The following NEO1 variants were observed in gnomAD, a reference collection of about 807,000 sequenced individuals.
The protein encoded by NEO1 is neogenin 1, also known as neogenin.
NEO1 carries 63 observed loss-of-function variants against 159.7 expected under a neutral mutation model. That is an observed-to-expected ratio of 0.39 (90% CI 0.32 to 0.49). The LOEUF (loss-of-function observed/expected upper bound fraction) is 0.49. NEO1 is among the 20% of genes least tolerant of loss of function. NEO1 has a pLI of 0.85. For synonymous variants in NEO1, 633 were observed against 662.0 expected, an observed-to-expected ratio of 0.96 and a Z score of 0.67; for missense variants, 1,615 against 1,831.0, an observed-to-expected ratio of 0.88 and a Z score of 2.15.
At chr15:73,228,465 GT>G (rs377106378) in intron 7 of NEO1, among the ~76,000 whole-genome samples, 54 of 135,028 alleles carry the variant, frequency 4.0e-4, no homozygotes, top group East Asian at 6.4e-4. Flanking sequence ...TTGGGTATAA[GT>G]TTTTTTTTTT....
chr15:73,093,732 C>A (rs1417354971), intron 1 of NEO1, among the ~76,000 whole-genome samples: 2 of 152,106 alleles, frequency 1.3e-5, no homozygotes, highest in Non-Finnish European at 2.9e-5. Context: ...CACTACCAAC[C>A]ACGCCTGGCT....
At chr15:73,188,154 T>C (rs2036040257) in intron 7 of NEO1, among the ~76,000 whole-genome samples, 1 of 152,108 alleles carries the variant, frequency 6.6e-6, no homozygotes. Flanking sequence ...ATCAATGTTA[T>C]ATCTGGTGGC....
chr15:73,233,050 G>A (rs1197459767), intron 7 of NEO1, among the ~76,000 whole-genome samples: 3 of 152,128 alleles, frequency 2.0e-5, no homozygotes, highest in African/African-American at 7.2e-5. Context: ...AAGAGGATTT[G>A]TCAGTCTCAA....
chr15:73,204,491 G>A (rs1796356137), intron 7 of NEO1, among the ~76,000 whole-genome samples: 1 of 151,176 alleles, frequency 6.6e-6, no homozygotes, highest in Non-Finnish European at 1.5e-5. Context: ...TTTTCTCTTT[G>A]CATTTTAGTG....
At chr15:73,136,258 A>G (rs1431518046) in intron 5 of NEO1, among the ~76,000 whole-genome samples, 1 of 152,206 alleles carries the variant, frequency 6.6e-6, no homozygotes, top group African/African-American at 2.4e-5. Flanking sequence ...AAATGGAAAT[A>G]ATAAGAATAT....
At chr15:73,066,816 C>A (rs533800494) in intron 1 of NEO1, among the ~76,000 whole-genome samples, 2 of 152,306 alleles carry the variant, frequency 1.3e-5, no homozygotes, top group South Asian at 4.1e-4. Context: ...CTCATCTCAG[C>A]CTCTTCAGCA....
chr15:73,058,553 C>T, intron 1 of NEO1, among the ~76,000 whole-genome samples: 1 of 152,098 alleles, frequency 6.6e-6, no homozygotes, highest in East Asian at 1.9e-4. Flanking sequence ...TGGATTCCCC[C>T]ATATAGGATT....
chr15:73,286,187 T>C (rs11072411), intron 23 of NEO1, among the ~76,000 whole-genome samples: 43,695 of 149,672 alleles, frequency 0.29, 7,327 homozygotes, highest in East Asian at 0.57. Flanking sequence ...TGCCTACCCA[T>C]GCATCAGCCC....
At chr15:73,141,913 T>G (rs2032424149) in intron 5 of NEO1, among the ~76,000 whole-genome samples, 1 of 152,306 alleles carries the variant, frequency 6.6e-6, no homozygotes, top group South Asian at 2.1e-4. Flanking sequence ...ATAGTTGGCT[T>G]TTTCAGCGTT....
chr15:73,078,335 C>T (rs2068874983), intron 1 of NEO1, among the ~76,000 whole-genome samples: 1 of 152,168 alleles, frequency 6.6e-6, no homozygotes, highest in South Asian at 2.1e-4. Flanking sequence ...CTGTGATATA[C>T]TGTATTCAGT....
chr15:73,126,398 TA>T lies in NEO1; in HGVS notation c.725-17del, dbSNP rs781069335. 110 of 1,564,536 alleles carry T rather than the reference TA, an allele frequency of 7.0e-5. No homozygotes were observed. In the South Asian group the frequency reaches 1.3e-3, roughly 18 times the overall value. On this transcript the variant is annotated intron_variant, in intron 3 of 28. Coordinates refer to ENST00000261908, the MANE Select transcript of NEO1 (RefSeq NM_002499.4). ...TTTGTCCTTTAATTATTGTCTTTGT[TA>T]ATTTTTTTTTTTTTTAGATCCTGAG...
intron 6 of NEO1, 54 bp from the exon 7 acceptor site, chr15:73,178,253 A>AT (rs1567398481): frequency 1.3e-6 from 2 of 1,512,120 alleles, no homozygotes; most frequent in Non-Finnish European, 1.8e-6. Context: ...TGAGATTTTG[A>AT]TCTGGTATTT....
chr15:73,290,204 T>C (rs1039782542), intron 25 of NEO1, among the ~76,000 whole-genome samples: 1 of 150,992 alleles, frequency 6.6e-6, no homozygotes, highest in Middle Eastern at 3.2e-3. Context: ...TTAGAATAGC[T>C]TTAGGTTTTA....
chr15:73,274,590 T>G, intron 20 of NEO1, 102 bp from the exon 21 acceptor site: 1 of 1,105,702 alleles, frequency 9.0e-7, no homozygotes, highest in South Asian at 1.3e-5. Context: ...TGGAAGTTTG[T>G]GGGGGTTTTA....
intron 28 of NEO1, 31 bp downstream of exon 28, chr15:73,301,488 A>T: frequency 6.2e-7 from 1 of 1,613,800 alleles, no homozygotes. Flanking sequence ...GTCCAGCCAG[A>T]TTGCCTGGGA....
chr15:73,112,376 AT>A (rs1196774252), intron 1 of NEO1, among the ~76,000 whole-genome samples: 1 of 151,926 alleles, frequency 6.6e-6, no homozygotes, highest in Non-Finnish European at 1.5e-5. Flanking sequence ...ATGTGACACA[AT>A]TTTCCCCCCA....
At chr15:73,220,901 C>T (rs1442782863) in intron 7 of NEO1, among the ~76,000 whole-genome samples, 3 of 152,148 alleles carry the variant, frequency 2.0e-5, no homozygotes, top group Non-Finnish European at 2.9e-5. Flanking sequence ...GTAGTTTGAT[C>T]GTCTGAAGCC....
At position 73,303,016 on chromosome 15, in the gene NEO1, G is replaced by A. The variant is rs2042679625; in HGVS notation, c.*320G>A. The A allele has an allele frequency of 1.4e-5, 4 of 284,646 alleles. No individual in the cohort carries two copies. Among genetic ancestry groups the A allele is most frequent in the Admixed American group, 4.3e-5 (1 of 23,320 alleles). 17.6% of individuals were successfully genotyped at this position (284,646 alleles called of 1,614,324 possible). ...GCATTTCACTTTGTGGTCAGGCCGTGTCTTTGTGCTGTGACTGCATCACCT... is the reference window on the plus strand; with the variant it reads ...GCATTTCACTTTGTGGTCAGGCCGTATCTTTGTGCTGTGACTGCATCACCT... On this transcript the variant is annotated 3_prime_UTR_variant, in exon 29 of 29. Transcript: ENST00000261908.
At chr15:73,138,401 CT>C (rs2031996394) in intron 5 of NEO1, among the ~76,000 whole-genome samples, 1 of 152,202 alleles carries the variant, frequency 6.6e-6, no homozygotes, top group Non-Finnish European at 1.5e-5. Flanking sequence ...GTTGAAAACA[CT>C]TTTGGAATAA....
Sources: allele counts gnomAD v4.1 joint callset (sites outside exome capture counted in the v4.1 genomes callset), GRCh38; gene constraint gnomAD v4.1.1; transcripts MANE v1.5; gene names NCBI Gene and HGNC (gene_info 2026-07-23, HGNC 2026-07-21).